Variants in MED12L observed in about 807,000 individuals in gnomAD.
MED12L encodes mediator complex subunit 12L, also known as mediator of RNA polymerase II transcription subunit 12-like protein.
Under a neutral mutation model 281.3 loss-of-function variants are expected in MED12L, and 60 were observed. The observed-to-expected ratio is 0.21, with a 90% confidence interval of 0.17 to 0.26. The LOEUF (loss-of-function observed/expected upper bound fraction) is 0.26, where lower values mean the gene tolerates loss of function less well. Ranked by LOEUF, MED12L falls within the 10% of genes least tolerant of loss-of-function variation. MED12L has a pLI of 1.00. For missense variants in MED12L, 2,146 were observed against 2,680.9 expected, an observed-to-expected ratio of 0.80 and a Z score of 4.41; for synonymous variants, 974 against 987.2, an observed-to-expected ratio of 0.99 and a Z score of 0.25.
At position 151,435,419 on chromosome 3, in the gene MED12L, T is replaced by TAACA. The variant is rs558137445; in HGVS notation, c.*2616_*2619dup. 31 of 152,288 alleles carry TAACA rather than the reference T, an allele frequency of 2.0e-4. No individual in the cohort carries two copies. The highest frequency in any genetic ancestry group is 3.9e-4 in the East Asian group (2 of 5,184). 9.4% of individuals were successfully genotyped at this position (152,288 alleles called of 1,614,324 possible). Reference sequence around the variant, plus strand: ...TTGACCACTTCCAGCCACAGGGTACTAACATCAGACATAAGTTGCAACCAG... The same window carrying TAACA: ...TTGACCACTTCCAGCCACAGGGTACTAACAAACATCAGACATAAGTTGCAACCAG... On this transcript the variant is annotated 3_prime_UTR_variant, in exon 45 of 45. Coordinates refer to ENST00000687756, the MANE Select transcript of MED12L (RefSeq NM_001393769.1).
chr3:151,399,084 C>T (rs1040894841), intron 39 of MED12L, among the ~76,000 whole-genome samples: 43 of 152,240 alleles, frequency 2.8e-4, no homozygotes, highest in Middle Eastern at 6.8e-3. Context: ...TACTCAATAT[C>T]CTGTATTTAG....
intron 16 of MED12L, among the ~76,000 whole-genome samples, chr3:151,280,532 T>C (rs1742636414): frequency 6.6e-6 from 1 of 152,202 alleles, no homozygotes. Flanking sequence ...TCTGATTTCA[T>C]TTGTTGGTGT....
At position 151,096,103 on chromosome 3, in the gene MED12L, G is replaced by A. The variant is rs558147089; in HGVS notation, c.99+9078G>A. On this transcript the variant is annotated intron_variant, in intron 2 of 44. Coordinates refer to ENST00000687756, the MANE Select transcript of MED12L (RefSeq NM_001393769.1). ...ATAAAAGAACATGATAGCTGGATCT[G>A]GGGCAACCATCTTATGGCCTTGTGG... is the stretch of plus-strand genomic sequence containing the variant. Among the ~76,000 whole-genome samples, 89 of 152,294 alleles carry A rather than the reference G, an allele frequency of 5.8e-4. 2 individuals are homozygous for A. In the South Asian group the frequency reaches 0.018, roughly 31 times the overall value.
chr3:151,166,500 GAA>G lies in MED12L; in HGVS notation c.1494+520_1494+521del, dbSNP rs576811971. ...ATATGTTTATATCTACCTAGAGAGA[GAA>G]AGGGGGGGAGAAAAGAGAGGGGTAT... is the stretch of plus-strand genomic sequence containing the variant. On this transcript the variant is annotated intron_variant, in intron 11 of 44. Coordinates refer to ENST00000687756, the MANE Select transcript of MED12L (RefSeq NM_001393769.1). 5.0e-4 allele frequency among the ~76,000 whole-genome samples: 76 copies of G among 152,124 alleles called. 1 individual carries two copies. Among genetic ancestry groups the G allele is most frequent in the African/African-American group, 1.7e-3 (72 of 41,496 alleles).
chr3:151,340,011 C>T (rs1751605246), intron 16 of MED12L, among the ~76,000 whole-genome samples: 1 of 151,958 alleles, frequency 6.6e-6, no homozygotes, highest in Non-Finnish European at 1.5e-5. Flanking sequence ...CTTAAATTCC[C>T]CAAAATGTCC....
intron 16 of MED12L, among the ~76,000 whole-genome samples, chr3:151,236,059 A>G (rs1029188241): frequency 2.0e-5 from 3 of 152,120 alleles, no homozygotes; most frequent in Non-Finnish European, 2.9e-5. Flanking sequence ...CTCTCCCCCT[A>G]TTCTTACATA....
intron 16 of MED12L, among the ~76,000 whole-genome samples, chr3:151,252,157 A>G (rs1184638522): frequency 6.6e-6 from 1 of 152,082 alleles, no homozygotes; most frequent in Non-Finnish European, 1.5e-5. Flanking sequence ...CTGTGTTACC[A>G]AAAAGTACTA....
intron 5 of MED12L, among the ~76,000 whole-genome samples, chr3:151,139,369 A>G (rs1438483548): frequency 6.6e-6 from 1 of 152,188 alleles, no homozygotes; most frequent in East Asian, 1.9e-4. Context: ...GCTTATTGCT[A>G]CTTGGGGTGT....
intron 5 of MED12L, among the ~76,000 whole-genome samples, chr3:151,141,178 G>GTTTTTTTT (rs370095367): frequency 1.2e-4 from 12 of 102,190 alleles, no homozygotes; most frequent in African/African-American, 2.1e-4. Flanking sequence ...TTTTTTTTTT[G>GTTTTTTTT]TTTTTTTTGT....
chr3:151,127,710 T>C, intron 4 of MED12L, 115 bp from the exon 5 acceptor site: 3 of 712,206 alleles, frequency 4.2e-6, no homozygotes, highest in Non-Finnish European at 6.7e-6. Context: ...ATATACTTTC[T>C]TAGGGCCAGC....
intron 43 of MED12L, among the ~76,000 whole-genome samples, chr3:151,418,571 T>C (rs1325858801): frequency 6.6e-6 from 1 of 152,242 alleles, no homozygotes; most frequent in Non-Finnish European, 1.5e-5. Flanking sequence ...ATTCAGATTA[T>C]ACATTTTTGG....
At chr3:151,135,973 C>A (rs1716081798) in intron 5 of MED12L, among the ~76,000 whole-genome samples, 1 of 152,104 alleles carries the variant, frequency 6.6e-6, no homozygotes. Context: ...TTTGGGGGAA[C>A]AGATAGATTC....
At chr3:151,280,809 A>G (rs1056604753) in intron 16 of MED12L, among the ~76,000 whole-genome samples, 1 of 151,650 alleles carries the variant, frequency 6.6e-6, no homozygotes, top group Admixed American at 6.6e-5. Flanking sequence ...TGCCTACTAG[A>G]TCTTTTCACA....
intron 16 of MED12L, among the ~76,000 whole-genome samples, chr3:151,225,738 A>G (rs1378218567): frequency 6.6e-6 from 1 of 150,696 alleles, no homozygotes; most frequent in African/African-American, 2.4e-5. Context: ...AGAAGAAGGA[A>G]CTCTCCCACC....
At chr3:151,347,612 C>T (rs971693586) in intron 16 of MED12L, among the ~76,000 whole-genome samples, 3 of 151,902 alleles carry the variant, frequency 2.0e-5, no homozygotes, top group Non-Finnish European at 4.4e-5. Context: ...GGTGTAAGGA[C>T]GAGCAACAGC....
In MED12L at chr3:151,311,302, TTA is replaced by T. The variant is rs755526279; in HGVS notation, c.2251-38742_2251-38741del. 5.3e-4 allele frequency among the ~76,000 whole-genome samples: 79 copies of T among 150,042 alleles called. 1 individual carries two copies. The highest frequency in any genetic ancestry group is 8.5e-4 in the Non-Finnish European group (57 of 67,446). Reference sequence around the variant, plus strand: ...GGCACAGAATGAATAGTTTTTAAAATTATATATATATATATAAACTGTGTGTG... The same window carrying T: ...GGCACAGAATGAATAGTTTTTAAAATTATATATATATATAAACTGTGTGTG... On this transcript the variant is annotated intron_variant, in intron 16 of 44. Coordinates refer to ENST00000687756, the MANE Select transcript of MED12L (RefSeq NM_001393769.1).
rs1241772703 is a variant in MED12L, at chr3:151,233,842, TA to T, written c.2250+40178del. On this transcript the variant is annotated intron_variant, in intron 16 of 44. Coordinates refer to ENST00000687756, the MANE Select transcript of MED12L (RefSeq NM_001393769.1). ...CCATCCGCCTTTCTCCGCCTTGTGG[TA>T]ACTCTGTCCTGAATTGTGTGTTTTT... Among the ~76,000 whole-genome samples the T allele has an allele frequency of 2.0e-5, 3 of 152,378 alleles. No homozygotes were observed. The East Asian group carries it at 5.8e-4, about 29-fold the overall frequency.
At chr3:151,332,546 TAGG>T (rs1750468463) in intron 16 of MED12L, among the ~76,000 whole-genome samples, 7 of 152,106 alleles carry the variant, frequency 4.6e-5, no homozygotes, top group Admixed American at 4.6e-4. Context: ...TAGCTAGAGA[TAGG>T]CAATAAATTC....
At chr3:151,156,062 A>T in intron 5 of MED12L, 99 bp from the exon 6 acceptor site, 1 of 1,035,946 alleles carries the variant, frequency 9.7e-7, no homozygotes, top group Admixed American at 2.7e-5. Context: ...TGTTTGTTTT[A>T]TCAGTACACC....
Sources: allele counts gnomAD v4.1 joint callset (sites outside exome capture counted in the v4.1 genomes callset), GRCh38; gene constraint gnomAD v4.1.1; transcripts MANE v1.5; gene names NCBI Gene and HGNC (gene_info 2026-07-23, HGNC 2026-07-21).